Variants in CDH19 observed in about 807,000 individuals in gnomAD.
CDH19 encodes cadherin 19, also known as cadherin-19.
Under a neutral mutation model 64.2 loss-of-function variants are expected in CDH19, and 67 were observed. That is an observed-to-expected ratio of 1.04 (90% CI 0.86 to 1.28). The LOEUF (loss-of-function observed/expected upper bound fraction) is 1.28. Among genes scored for constraint, CDH19 ranks in the 50% most tolerant of loss-of-function variants. The pLI, the probability that CDH19 is intolerant of heterozygous loss-of-function variation, is 0.00. For missense variants in CDH19, 1,030 were observed against 929.0 expected, an observed-to-expected ratio of 1.11 and a Z score of -1.41; for synonymous variants, 346 against 319.3, an observed-to-expected ratio of 1.08 and a Z score of -0.89.
intron 1 of CDH19, among the ~76,000 whole-genome samples, chr18:66,585,025 G>C (rs536704680): frequency 6.6e-6 from 1 of 152,050 alleles, no homozygotes; most frequent in East Asian, 1.9e-4. Flanking sequence ...TCACTGGGAG[G>C]AGGTACATAA....
At chr18:66,592,301 T>C (rs761898374) in intron 1 of CDH19, among the ~76,000 whole-genome samples, 2 of 151,860 alleles carry the variant, frequency 1.3e-5, no homozygotes, top group Non-Finnish European at 2.9e-5. Flanking sequence ...GATATTTTGA[T>C]ACATGTATTC....
chr18:66,561,093 TC>T (rs1370774028), intron 3 of CDH19, among the ~76,000 whole-genome samples: 1 of 151,578 alleles, frequency 6.6e-6, no homozygotes, highest in Non-Finnish European at 1.5e-5. Context: ...TCCCTTGTCC[TC>T]TTTCAGATTT....
chr18:66,563,444 T>C (rs1987794940), intron 3 of CDH19, among the ~76,000 whole-genome samples: 1 of 152,010 alleles, frequency 6.6e-6, no homozygotes, highest in South Asian at 2.1e-4. Context: ...GAAACAAATT[T>C]ATTGAGATGT....
At chr18:66,522,452 G>T (rs981747805) in intron 9 of CDH19, among the ~76,000 whole-genome samples, 2 of 152,022 alleles carry the variant, frequency 1.3e-5, no homozygotes, top group African/African-American at 2.4e-5. Flanking sequence ...GGTGCGCCAT[G>T]TTGGCCAGGC....
intron 11 of CDH19, among the ~76,000 whole-genome samples, chr18:66,508,744 A>G (rs900494842): frequency 8.6e-5 from 4 of 46,666 alleles, no homozygotes; most frequent in African/African-American, 3.0e-4. Flanking sequence ...GCATAAACAG[A>G]TGTGTACATA....
At chr18:66,565,283 C>T (rs1483210174) in intron 3 of CDH19, among the ~76,000 whole-genome samples, 2 of 151,894 alleles carry the variant, frequency 1.3e-5, no homozygotes, top group African/African-American at 4.8e-5. Context: ...CCCATCATTA[C>T]TTGTAAAGAA....
At chr18:66,527,618 C>T (rs893630885) in intron 9 of CDH19, among the ~76,000 whole-genome samples, 2 of 151,866 alleles carry the variant, frequency 1.3e-5, no homozygotes, top group Non-Finnish European at 2.9e-5. Context: ...GGTGTGGTGG[C>T]GTGCGCCTGT....
At chr18:66,548,129 A>T (rs572600298) in intron 5 of CDH19, among the ~76,000 whole-genome samples, 106 of 146,798 alleles carry the variant, frequency 7.2e-4, no homozygotes, top group African/African-American at 2.5e-3. Flanking sequence ...ATTATATATT[A>T]TATATAATAT....
intron 1 of CDH19, among the ~76,000 whole-genome samples, chr18:66,578,518 T>C (rs1355616010): frequency 2.0e-5 from 3 of 151,902 alleles, no homozygotes; most frequent in Non-Finnish European, 1.5e-5. Flanking sequence ...TCTCATACAC[T>C]GCTAGTGTGA....
At chr18:66,520,347 T>TTTA (rs974554004) in intron 9 of CDH19, among the ~76,000 whole-genome samples, 3 of 151,214 alleles carry the variant, frequency 2.0e-5, no homozygotes, top group Non-Finnish European at 4.4e-5. Context: ...AGCTGTTTTT[T>TTTA]TTTTTTTTTT....
intron 1 of CDH19, among the ~76,000 whole-genome samples, chr18:66,592,930 T>A (rs1360905347): frequency 6.6e-6 from 1 of 151,922 alleles, no homozygotes; most frequent in East Asian, 1.9e-4. Context: ...GATTGCTGAA[T>A]CATATATTAC....
intron 8 of CDH19, chr18:66,532,531 G>A (rs1453225014): frequency 6.7e-6 from 2 of 296,944 alleles, no homozygotes; most frequent in Non-Finnish European, 1.3e-5. Flanking sequence ...GAGAAAGAGA[G>A]AGAGAGAGGG....
intron 3 of CDH19, among the ~76,000 whole-genome samples, chr18:66,566,824 G>C (rs1265894469): frequency 6.6e-6 from 1 of 151,888 alleles, no homozygotes; most frequent in Non-Finnish European, 1.5e-5. Context: ...CAGCCTGGAT[G>C]CTTTTCTCTT....
chr18:66,572,784 TTAAA>T (rs1281099341), intron 1 of CDH19, among the ~76,000 whole-genome samples: 3 of 151,748 alleles, frequency 2.0e-5, no homozygotes, highest in Non-Finnish European at 4.4e-5. Context: ...TATGTAGTAA[TTAAA>T]TAGACAAAAT....
At chr18:66,597,474 TG>T (rs1568216044) in intron 1 of CDH19, among the ~76,000 whole-genome samples, 1 of 152,108 alleles carries the variant, frequency 6.6e-6, no homozygotes, top group Non-Finnish European at 1.5e-5. Context: ...AATACTTAAA[TG>T]TAAATCCTAC....
At chr18:66,596,807 G>A (rs1988901191) in intron 1 of CDH19, among the ~76,000 whole-genome samples, 1 of 151,928 alleles carries the variant, frequency 6.6e-6, no homozygotes, top group Non-Finnish European at 1.5e-5. Context: ...ACTAGGCCGG[G>A]CGCGGTGGCT....
intron 10 of CDH19, among the ~76,000 whole-genome samples, chr18:66,509,947 TAG>T (rs1346217110): frequency 6.6e-6 from 1 of 151,894 alleles, no homozygotes; most frequent in African/African-American, 2.4e-5. Context: ...TTCATTTACC[TAG>T]AGAGTCCATT....
intron 1 of CDH19, among the ~76,000 whole-genome samples, chr18:66,595,806 A>T (rs1186389511): frequency 6.6e-6 from 1 of 152,090 alleles, no homozygotes; most frequent in Non-Finnish European, 1.5e-5. Flanking sequence ...CTCCTTTCTA[A>T]CTCGTTCTAT....
chr18:66,526,741 T>C (rs1986234900), intron 9 of CDH19, among the ~76,000 whole-genome samples: 1 of 152,038 alleles, frequency 6.6e-6, no homozygotes, highest in African/African-American at 2.4e-5. Context: ...TTCACATATA[T>C]ATTTAAAAGA....
Sources: gnomAD v4.1 joint callset for allele counts (sites outside exome capture counted in the v4.1 genomes callset) on GRCh38, gnomAD v4.1.1 for gene constraint, MANE v1.5 for transcripts, NCBI Gene and HGNC (gene_info 2026-07-23, HGNC 2026-07-21) for gene names.